CNTNAP2: variants seen among roughly 807,000 people sequenced by gnomAD.
The protein encoded by CNTNAP2 is contactin-associated protein-like 2.
CNTNAP2 carries 98 observed loss-of-function variants against 155.2 expected under a neutral mutation model. That is an observed-to-expected ratio of 0.63 (90% CI 0.54 to 0.75). CNTNAP2 has a LOEUF of 0.75. Among genes scored for constraint, CNTNAP2 ranks in the 30% least tolerant of loss-of-function variants. The pLI, the probability that CNTNAP2 is intolerant of heterozygous loss-of-function variation, is 0.00. For missense variants in CNTNAP2, 1,727 were observed against 1,688.1 expected, an observed-to-expected ratio of 1.02 and a Z score of -0.40; for synonymous variants, 651 against 631.2, an observed-to-expected ratio of 1.03 and a Z score of -0.47.
intron 8 of CNTNAP2, among the ~76,000 whole-genome samples, chr7:147,272,209 A>T (rs1804767941): frequency 6.6e-6 from 1 of 151,942 alleles, no homozygotes. Context: ...ATGAAATTAG[A>T]TTGCTCATCC....
At chr7:147,248,609 T>C (rs1395729625) in intron 8 of CNTNAP2, among the ~76,000 whole-genome samples, 1 of 152,198 alleles carries the variant, frequency 6.6e-6, no homozygotes, top group South Asian at 2.1e-4. Flanking sequence ...AGTTTGTCAT[T>C]AGTAAAGAAG....
intron 1 of CNTNAP2, among the ~76,000 whole-genome samples, chr7:146,768,016 AATT>A (rs1025528115): frequency 2.6e-5 from 4 of 152,166 alleles, no homozygotes; most frequent in African/African-American, 9.7e-5. Context: ...TATGTCTAAA[AATT>A]ATTATAAAAA....
At chr7:148,122,007 T>C (rs1054862217) in intron 16 of CNTNAP2, among the ~76,000 whole-genome samples, 1 of 152,242 alleles carries the variant, frequency 6.6e-6, no homozygotes, top group African/African-American at 2.4e-5. Context: ...AGCAGGCAAG[T>C]AACTCAGGAG....
intron 14 of CNTNAP2, among the ~76,000 whole-genome samples, chr7:147,936,341 C>T (rs1800607482): frequency 6.7e-6 from 1 of 149,102 alleles, no homozygotes; most frequent in South Asian, 2.1e-4. Context: ...TCCAGTGGAT[C>T]TTGACCTATT....
At chr7:146,497,315 G>C (rs1171323426) in intron 1 of CNTNAP2, among the ~76,000 whole-genome samples, 1 of 151,946 alleles carries the variant, frequency 6.6e-6, no homozygotes, top group Admixed American at 6.6e-5. Flanking sequence ...TTAAAACATT[G>C]TTTATCTATC....
chr7:147,464,465 T>TAAA (rs71183005), intron 10 of CNTNAP2, among the ~76,000 whole-genome samples: 71 of 65,936 alleles, frequency 1.1e-3, no homozygotes, highest in African/African-American at 3.5e-3. Context: ...AGACTCCATC[T>TAAA]AAAAAAAAAA....
intron 13 of CNTNAP2, chr7:147,671,733 C>G (rs1795790234): frequency 6.6e-6 from 1 of 152,170 alleles, no homozygotes; most frequent in South Asian, 2.1e-4. Flanking sequence ...TGCATGCCCT[C>G]CACTCACTAA....
intron 20 of CNTNAP2, among the ~76,000 whole-genome samples, chr7:148,265,274 T>C (rs1796648114): frequency 6.6e-6 from 1 of 152,156 alleles, no homozygotes; most frequent in Non-Finnish European, 1.5e-5. Flanking sequence ...TAAGTGTTTT[T>C]GTTTGTTTGT....
At chr7:146,284,231 T>C (rs1800293584) in intron 1 of CNTNAP2, among the ~76,000 whole-genome samples, 1 of 152,204 alleles carries the variant, frequency 6.6e-6, no homozygotes, top group South Asian at 2.1e-4. Context: ...CAAAATTGTA[T>C]CGTTAGCATT....
At chr7:147,911,526 G>A (rs1449543070) in intron 14 of CNTNAP2, among the ~76,000 whole-genome samples, 1 of 152,200 alleles carries the variant, frequency 6.6e-6, no homozygotes, top group African/African-American at 2.4e-5. Context: ...AGAAGCAGAA[G>A]TTGCAGCTGC....
At chr7:148,295,141 A>G (rs1797258083) in intron 21 of CNTNAP2, among the ~76,000 whole-genome samples, 2 of 152,208 alleles carry the variant, frequency 1.3e-5, no homozygotes, top group African/African-American at 4.8e-5. Flanking sequence ...AATTATATGT[A>G]TGTATGTGTA....
At chr7:147,693,553 TGTTA>T (rs892271719) in intron 13 of CNTNAP2, among the ~76,000 whole-genome samples, 7 of 152,030 alleles carry the variant, frequency 4.6e-5, no homozygotes, top group African/African-American at 1.4e-4. Context: ...GTGCATATTT[TGTTA>T]GTTTATTTCT....
intron 10 of CNTNAP2, among the ~76,000 whole-genome samples, chr7:147,468,951 A>G (rs2116603823): frequency 6.6e-6 from 1 of 151,598 alleles, no homozygotes; most frequent in South Asian, 2.1e-4. Context: ...AGCCATTCGC[A>G]AGCCTCAGCT....
At chr7:146,878,663 C>CATAAA (rs1795478873) in intron 3 of CNTNAP2, among the ~76,000 whole-genome samples, 1 of 152,124 alleles carries the variant, frequency 6.6e-6, no homozygotes, top group South Asian at 2.1e-4. Flanking sequence ...GCGCCTGTTT[C>CATAAA]TCTGACCCCA....
At chr7:146,727,876 C>G (rs75931306) in intron 1 of CNTNAP2, among the ~76,000 whole-genome samples, 1 of 152,082 alleles carries the variant, frequency 6.6e-6, no homozygotes, top group Non-Finnish European at 1.5e-5. Context: ...TGATGTTCCC[C>G]CTAGATGTCC....
At chr7:146,677,017 A>G (rs1800411512) in intron 1 of CNTNAP2, among the ~76,000 whole-genome samples, 2 of 152,250 alleles carry the variant, frequency 1.3e-5, no homozygotes, top group Non-Finnish European at 2.9e-5. Context: ...GGACATGCCC[A>G]TCACACAACC....
intron 1 of CNTNAP2, among the ~76,000 whole-genome samples, chr7:146,596,193 C>T (rs11764786): frequency 0.83 from 126,031 of 151,918 alleles, 52,909 homozygotes; most frequent in African/African-American, 0.9. Flanking sequence ...TTTTCAGTCA[C>T]TGTTACATTC....
chr7:147,441,344 A>C (rs930972874), intron 10 of CNTNAP2, among the ~76,000 whole-genome samples: 2 of 152,024 alleles, frequency 1.3e-5, no homozygotes, highest in African/African-American at 2.4e-5. Flanking sequence ...TATCTGATAG[A>C]ATTCTGAATT....
At chr7:146,582,476 C>T (rs909663709) in intron 1 of CNTNAP2, among the ~76,000 whole-genome samples, 4 of 152,036 alleles carry the variant, frequency 2.6e-5, no homozygotes, top group Admixed American at 6.6e-5. Context: ...TAATAAGGGA[C>T]GTGCCATAGA....
Sources: gnomAD v4.1 joint callset for allele counts (sites outside exome capture counted in the v4.1 genomes callset) on GRCh38, gnomAD v4.1.1 for gene constraint, MANE v1.5 for transcripts, NCBI Gene and HGNC (gene_info 2026-07-23, HGNC 2026-07-21) for gene names.